DOCK2: variants seen among roughly 807,000 people sequenced by gnomAD.
DOCK2 encodes dedicator of cytokinesis protein 2.
A neutral mutation model predicts 248.9 loss-of-function variants in DOCK2; 87 were observed. The observed-to-expected ratio is 0.35, with a 90% confidence interval of 0.29 to 0.42. The LOEUF (loss-of-function observed/expected upper bound fraction) is 0.42. Among genes scored for constraint, DOCK2 ranks in the 10% least tolerant of loss-of-function variants. The pLI is 1.00. For synonymous variants in DOCK2, 805 were observed against 821.6 expected, an observed-to-expected ratio of 0.98 and a Z score of 0.35; for missense variants, 1,747 against 2,300.2, an observed-to-expected ratio of 0.76 and a Z score of 4.92.
intron 27 of DOCK2, among the ~76,000 whole-genome samples, chr5:169,862,631 G>T (rs11134593): frequency 6.6e-6 from 1 of 151,988 alleles, no homozygotes; most frequent in Admixed American, 6.6e-5. Context: ...TGATTCTGTG[G>T]GCTTAAACAT....
At chr5:169,800,765 A>G (rs1193989780) in intron 25 of DOCK2, among the ~76,000 whole-genome samples, 2 of 152,134 alleles carry the variant, frequency 1.3e-5, no homozygotes, top group African/African-American at 4.8e-5. Flanking sequence ...GGAATAATCC[A>G]TAGAATCAGA....
chr5:169,700,227 C>A, intron 13 of DOCK2, 88 bp downstream of exon 13: 2 of 1,505,300 alleles, frequency 1.3e-6, no homozygotes, highest in Non-Finnish European at 1.8e-6. Flanking sequence ...GAGTCAACTC[C>A]TTCCTTTTTT....
chr5:170,008,631 G>A (rs1046339024), intron 31 of DOCK2, 34 bp downstream of exon 31: 2 of 1,614,050 alleles, frequency 1.2e-6, no homozygotes, highest in South Asian at 2.2e-5. Flanking sequence ...TGAAGAGGGG[G>A]AGGTCCATGA....
At chr5:170,002,150 C>T (rs1754856783) in intron 30 of DOCK2, among the ~76,000 whole-genome samples, 2 of 151,540 alleles carry the variant, frequency 1.3e-5, no homozygotes, top group South Asian at 4.2e-4. Context: ...TTAGAAATTC[C>T]GGTTCTAGGA....
At chr5:169,652,450 G>A (rs1757860118) in intron 1 of DOCK2, among the ~76,000 whole-genome samples, 1 of 152,264 alleles carries the variant, frequency 6.6e-6, no homozygotes. Flanking sequence ...TCAGGATGGA[G>A]ACTTCATCTC....
At chr5:169,995,774 G>C (rs150517075) in intron 29 of DOCK2, among the ~76,000 whole-genome samples, 2 of 150,826 alleles carry the variant, frequency 1.3e-5, no homozygotes, top group Middle Eastern at 3.2e-3. Flanking sequence ...GTTTGGGGAT[G>C]GGGGGGGTGA....
At chr5:170,057,318 T>A in intron 43 of DOCK2, 1 of 524,342 alleles carries the variant, frequency 1.9e-6, no homozygotes. Context: ...CATTCAATAT[T>A]GCCTAAAAAT....
At chr5:169,950,423 A>G (rs1256058936) in intron 27 of DOCK2, among the ~76,000 whole-genome samples, 1 of 152,338 alleles carries the variant, frequency 6.6e-6, no homozygotes, top group East Asian at 1.9e-4. Context: ...TGGACTTTCA[A>G]ACAACAGAAG....
chr5:169,656,552 ATTC>A (rs1758131451), intron 2 of DOCK2, among the ~76,000 whole-genome samples: 1 of 152,062 alleles, frequency 6.6e-6, no homozygotes, highest in African/African-American at 2.4e-5. Flanking sequence ...GCCCTAGGTG[ATTC>A]GTGCACCTCG....
At chr5:169,891,050 G>A (rs1290090456) in intron 27 of DOCK2, among the ~76,000 whole-genome samples, 2 of 152,186 alleles carry the variant, frequency 1.3e-5, no homozygotes, top group Non-Finnish European at 2.9e-5. Flanking sequence ...ACAACCCTAT[G>A]TCATCTGGCC....
chr5:169,666,053 T>G lies in DOCK2; in HGVS notation c.128-3235T>G, dbSNP rs867014731. On this transcript the variant is annotated intron_variant, in intron 2 of 51. Coordinates refer to ENST00000520908, the MANE Select transcript of DOCK2 (RefSeq NM_004946.3). The stretch of plus-strand genomic sequence containing the variant: ...AGGCTACTGTGTATCATAAACTGCT[T>G]AAATAAGAGGAATTTATTCCTCATA... Among the ~76,000 whole-genome samples the G allele has an allele frequency of 5.3e-5, 8 of 152,312 alleles. No homozygotes were observed. In the Middle Eastern group the frequency reaches 0.01, roughly 194 times the overall value.
At chr5:170,011,953 A>C (rs1484731954) in intron 32 of DOCK2, among the ~76,000 whole-genome samples, 1 of 152,202 alleles carries the variant, frequency 6.6e-6, no homozygotes, top group African/African-American at 2.4e-5. Context: ...AAACAAGAAA[A>C]TTAAAGCTTC....
intron 46 of DOCK2, among the ~76,000 whole-genome samples, chr5:170,071,597 G>A (rs558879224): frequency 6.6e-6 from 1 of 152,096 alleles, no homozygotes; most frequent in Non-Finnish European, 1.5e-5. Context: ...GAAATATTAT[G>A]TACAGAAAAG....
chr5:169,638,984 A>AGTCT (rs1217236184), intron 1 of DOCK2, among the ~76,000 whole-genome samples: 1 of 152,192 alleles, frequency 6.6e-6, no homozygotes, highest in Non-Finnish European at 1.5e-5. Context: ...AACAATAAGT[A>AGTCT]GTCTGTTTTG....
intron 39 of DOCK2, among the ~76,000 whole-genome samples, 183 bp from the exon 40 acceptor site, chr5:170,047,327 T>C (rs1756749850): frequency 6.6e-6 from 1 of 152,200 alleles, no homozygotes; most frequent in African/African-American, 2.4e-5. Flanking sequence ...ATTAACACAG[T>C]CCCTGGTATA....
intron 22 of DOCK2, among the ~76,000 whole-genome samples, chr5:169,732,143 A>G (rs559059227): frequency 6.6e-6 from 1 of 152,232 alleles, no homozygotes; most frequent in East Asian, 1.9e-4. Context: ...AACAATAACC[A>G]TATTTTGTGA....
intron 22 of DOCK2, among the ~76,000 whole-genome samples, chr5:169,733,131 T>G (rs1258895207): frequency 1.3e-4 from 20 of 152,106 alleles, no homozygotes; most frequent in Non-Finnish European, 1.9e-4. Flanking sequence ...CCCCCTGATT[T>G]TTCTGTCCTT....
Position 169,759,860 on chromosome 5 carries a change from G to A in DOCK2, c.2447+85G>A, listed in dbSNP as rs1006630462. On this transcript the variant is annotated intron_variant, in intron 24 of 51. Transcript: ENST00000520908. ...AGGAGGGCTCTTATGGGGAGCTCCAGATGGGCACTCAGCTTGGGGATGGGG... is the reference window on the plus strand; with the variant it reads ...AGGAGGGCTCTTATGGGGAGCTCCAAATGGGCACTCAGCTTGGGGATGGGG... 18 of 1,459,100 alleles carry A rather than the reference G, an allele frequency of 1.2e-5. No homozygotes were observed. The Admixed American group carries it at 3.0e-4, about 25-fold the overall frequency. The allele number at this position is 1,459,100 out of a possible 1,614,324, so 90.4% of individuals were successfully genotyped here.
At chr5:169,812,614 CT>C in intron 26 of DOCK2, among the ~76,000 whole-genome samples, 1 of 152,318 alleles carries the variant, frequency 6.6e-6, no homozygotes, top group South Asian at 2.1e-4. Flanking sequence ...TGAGGATACT[CT>C]TTTCCCAGGT....
Sources: gnomAD v4.1 joint callset for allele counts (sites outside exome capture counted in the v4.1 genomes callset) on GRCh38, gnomAD v4.1.1 for gene constraint, MANE v1.5 for transcripts, NCBI Gene and HGNC (gene_info 2026-07-23, HGNC 2026-07-21) for gene names.